The following ABLIM2 variants were observed in gnomAD, a reference collection of about 807,000 sequenced individuals.
The protein encoded by ABLIM2 is actin binding LIM protein family member 2, also known as actin-binding LIM protein 2.
In ABLIM2, 53 loss-of-function variants were observed where a neutral mutation model predicts 97.7. The ratio of observed to expected loss-of-function variants is 0.54; its 90% confidence interval spans 0.44 to 0.68. ABLIM2 has a LOEUF of 0.68. Ranked by LOEUF, ABLIM2 falls within the 30% of genes least tolerant of loss-of-function variation. ABLIM2 has a pLI of 0.00. For missense variants in ABLIM2, 835 were observed against 867.2 expected (o/e 0.96, Z 0.47); for synonymous variants, 361 against 345.8 (o/e 1.04, Z -0.49).
rs1483589767 is a variant in ABLIM2, at chr4:8,095,022, C to A, written c.338+2077G>T. Among the ~76,000 whole-genome samples the A allele has an allele frequency of 6.8e-6, 1 of 147,356 alleles. No homozygotes were observed. The highest frequency in any genetic ancestry group is 1.5e-5 in the Non-Finnish European group (1 of 67,090). On this transcript the variant is annotated intron_variant, in intron 3 of 20. Coordinates refer to ENST00000447017, the MANE Select transcript of ABLIM2 (RefSeq NM_001130083.2). This position sits in a 1 kb window ranked among gnomAD's most constrained non-coding sequence, Gnocchi z 4.7. ...TTTTTCTTTCTTTCTCTCTCTCTCTCCCCCCACTTCTTTCCTTCCTTCCTT... is the reference window on the plus strand; with the variant it reads ...TTTTTCTTTCTTTCTCTCTCTCTCTACCCCCACTTCTTTCCTTCCTTCCTT...
chr4:8,029,803 C>A (rs780340880), intron 10 of ABLIM2, 27 bp from the exon 11 acceptor site: 1 of 1,560,726 alleles, frequency 6.4e-7, no homozygotes, highest in South Asian at 1.2e-5. Context: ...AGCTTGTGAA[C>A]ACTGGAGCCG....
At chr4:7,969,730 GACACAC>G (rs56236019) in intron 20 of ABLIM2, among the ~76,000 whole-genome samples, 68,603 of 139,542 alleles carry the variant, frequency 0.49, 17,081 homozygotes, top group Middle Eastern at 0.6. Flanking sequence ...CTCTCTCTCT[GACACAC>G]ACACACACAC....
intron 20 of ABLIM2, among the ~76,000 whole-genome samples, chr4:7,974,348 A>C (rs935077543): frequency 3.0e-3 from 249 of 82,220 alleles, no homozygotes; most frequent in South Asian, 5.4e-3. Flanking sequence ...CCCATCCACC[A>C]ATCCATCCAC....
At chr4:7,971,668 G>A (rs1050598435) in intron 20 of ABLIM2, among the ~76,000 whole-genome samples, 15 of 152,020 alleles carry the variant, frequency 9.9e-5, no homozygotes, top group African/African-American at 3.4e-4. Context: ...GAAGCCTCAG[G>A]GACCTATGCC....
rs1811900917 is a variant in ABLIM2, at chr4:8,071,368, G to A, written c.675+6260C>T. On this transcript the variant is annotated intron_variant, in intron 6 of 20. Coordinates refer to ENST00000447017, the MANE Select transcript of ABLIM2 (RefSeq NM_001130083.2). The surrounding 1 kb of genome is among the most constrained non-coding windows in gnomAD (Gnocchi z 6.2). ...CAGGACAGACACCCAGAGATGGGTGGGATGCAGGCCAACATGCATGAGGGT... is the reference window on the plus strand; with the variant it reads ...CAGGACAGACACCCAGAGATGGGTGAGATGCAGGCCAACATGCATGAGGGT... Among the ~76,000 whole-genome samples, 1 of 152,194 alleles carries A rather than the reference G, an allele frequency of 6.6e-6. No homozygotes were observed. The highest frequency in any genetic ancestry group is 6.5e-5 in the Admixed American group (1 of 15,284).
Position 8,054,338 on chromosome 4 carries a change from GCA to G in ABLIM2, c.764-94_764-93del, listed in dbSNP as rs1797720611. ...AACGCAGAGGAGGGAGCTGGTCCATGCACAGACGTGCACTCGGACTCCACCCT... is the reference window on the plus strand; with the variant it reads ...AACGCAGAGGAGGGAGCTGGTCCATGCAGACGTGCACTCGGACTCCACCCT... On this transcript the variant is annotated intron_variant, in intron 7 of 20. Transcript: ENST00000447017. This position sits in a 1 kb window ranked among gnomAD's most constrained non-coding sequence, Gnocchi z 4.9. 3 of 1,312,676 alleles carry G rather than the reference GCA, an allele frequency of 2.3e-6. No individual in the cohort carries two copies. The highest frequency in any genetic ancestry group is 1.2e-5 in the South Asian group (1 of 81,310). 81.3% of individuals were successfully genotyped at this position (1,312,676 alleles called of 1,614,324 possible).
chr4:8,057,010 A>G (rs1799672672), intron 7 of ABLIM2, among the ~76,000 whole-genome samples: 1 of 150,226 alleles, frequency 6.7e-6, no homozygotes, highest in Admixed American at 6.6e-5. Flanking sequence ...TGCAACTTTA[A>G]GGGCTATACA....
intron 20 of ABLIM2, among the ~76,000 whole-genome samples, chr4:7,972,158 G>A (rs894150764): frequency 2.6e-5 from 4 of 152,142 alleles, no homozygotes; most frequent in Non-Finnish European, 4.4e-5. Flanking sequence ...TCCATACCCC[G>A]GGACCTCTTC....
At chr4:8,006,008 C>T (rs887327547) in intron 16 of ABLIM2, among the ~76,000 whole-genome samples, 15 of 152,312 alleles carry the variant, frequency 9.8e-5, no homozygotes, top group Middle Eastern at 3.4e-3. Flanking sequence ...AAGAATGTGA[C>T]GACAAGGGGT....
In ABLIM2 at chr4:8,147,505, G is replaced by T. The variant is rs990643563; in HGVS notation, c.10+11175C>A. 1.3e-5 allele frequency among the ~76,000 whole-genome samples: 2 copies of T among 152,230 alleles called. No homozygotes were observed. The highest frequency in any genetic ancestry group is 4.8e-5 in the African/African-American group (2 of 41,458). ...TAGAGACTGGGAGATGATTCTGGATGCTATGGGCGGGCTCTGAGTGCAATC... is the reference window on the plus strand; with the variant it reads ...TAGAGACTGGGAGATGATTCTGGATTCTATGGGCGGGCTCTGAGTGCAATC... On this transcript the variant is annotated intron_variant, in intron 1 of 20. Coordinates refer to ENST00000447017, the MANE Select transcript of ABLIM2 (RefSeq NM_001130083.2). The surrounding 1 kb of genome is among the most constrained non-coding windows in gnomAD (Gnocchi z 5.3).
intron 9 of ABLIM2, among the ~76,000 whole-genome samples, chr4:8,036,624 C>A (rs1004479404): frequency 4.6e-5 from 7 of 152,190 alleles, no homozygotes; most frequent in Non-Finnish European, 8.8e-5. Flanking sequence ...TCCTGAGGCC[C>A]AGCCACAAAA....
In ABLIM2 at chr4:8,033,639, C is replaced by A. The variant is rs1162337288; in HGVS notation, c.1047+2510G>T. Among the ~76,000 whole-genome samples, 1 of 152,190 alleles carries A rather than the reference C, an allele frequency of 6.6e-6. No individual in the cohort carries two copies. Among genetic ancestry groups the A allele is most frequent in the African/African-American group, 2.4e-5 (1 of 41,470 alleles). On this transcript the variant is annotated intron_variant, in intron 10 of 20. Coordinates refer to ENST00000447017, the MANE Select transcript of ABLIM2 (RefSeq NM_001130083.2). The surrounding 1 kb of genome is among the most constrained non-coding windows in gnomAD (Gnocchi z 4.5). The stretch of plus-strand genomic sequence containing the variant: ...AGCGGGAGGCCAACCCAGGTCTCCC[C>A]AGAGGGAGGGGGTGACTCCCGAGCC...
At position 7,996,656 on chromosome 4, in the gene ABLIM2, G is replaced by A. The variant is rs35390034; in HGVS notation, c.1619-3729C>T. Among the ~76,000 whole-genome samples the A allele has an allele frequency of 0.01, 1,547 of 152,260 alleles. 12 individuals carry two copies. The highest frequency in any genetic ancestry group is 0.024 in the Middle Eastern group (7 of 294). On this transcript the variant is annotated intron_variant, in intron 16 of 20. Coordinates refer to ENST00000447017, the MANE Select transcript of ABLIM2 (RefSeq NM_001130083.2). The surrounding 1 kb of genome is among the most constrained non-coding windows in gnomAD (Gnocchi z 4.5). ...TTTTGTCCCCGGTTTTACCTATTCC[G>A]ACGTTCTTCTTTCCTTTCTGAAGTT... is the stretch of plus-strand genomic sequence containing the variant.
At chr4:8,080,538 C>T in intron 5 of ABLIM2, 138 bp downstream of exon 5, 1 of 1,014,868 alleles carries the variant, frequency 9.9e-7, no homozygotes, top group East Asian at 2.9e-5. Context: ...TCTCACCCAG[C>T]AGCAGGGCAG....
intron 12 of ABLIM2, among the ~76,000 whole-genome samples, chr4:8,024,210 T>C (rs1775832810): frequency 6.6e-6 from 1 of 152,132 alleles, no homozygotes; most frequent in African/African-American, 2.4e-5. Flanking sequence ...GCTCAGCACA[T>C]GGAGGCTGCC....
At position 7,970,857 on chromosome 4, in the gene ABLIM2, G is replaced by A. The variant is rs1560309830; in HGVS notation, c.1825-3754C>T. Among the ~76,000 whole-genome samples the A allele has an allele frequency of 2.0e-5, 3 of 152,004 alleles. No individual in the cohort carries two copies. The highest frequency in any genetic ancestry group is 2.9e-5 in the Non-Finnish European group (2 of 67,986). Reference sequence around the variant, plus strand: ...GGCCGGGGGTGTCCCGAGCATGTGGGCTGGGCCAGGCCACTCGTATGTGGC... The same window carrying A: ...GGCCGGGGGTGTCCCGAGCATGTGGACTGGGCCAGGCCACTCGTATGTGGC... On this transcript the variant is annotated intron_variant, in intron 20 of 20. Transcript: ENST00000447017. This position sits in a 1 kb window ranked among gnomAD's most constrained non-coding sequence, Gnocchi z 5.3.
intron 9 of ABLIM2, among the ~76,000 whole-genome samples, chr4:8,037,959 T>C (rs1785635877): frequency 6.6e-6 from 1 of 152,188 alleles, no homozygotes; most frequent in African/African-American, 2.4e-5. Flanking sequence ...CTGTGCACTG[T>C]GCACGTGCTC....
chr4:8,047,842 A>G (rs1301685696), intron 8 of ABLIM2, among the ~76,000 whole-genome samples: 2 of 152,374 alleles, frequency 1.3e-5, no homozygotes, highest in East Asian at 1.9e-4. Flanking sequence ...CTATTATTTC[A>G]GCTCAAGGTG....
rs991411971 is a variant in ABLIM2, at chr4:8,044,496, C to T, written c.900+668G>A. Among the ~76,000 whole-genome samples the T allele has an allele frequency of 9.9e-5, 15 of 151,676 alleles. No homozygotes were observed. The highest frequency in any genetic ancestry group is 2.2e-4 in the Non-Finnish European group (15 of 67,926). ...GTATACATATATAAATTTAAATATA[C>T]AATATTAAATGTATTAAATATTAAA... On this transcript the variant is annotated intron_variant, in intron 9 of 20. Coordinates refer to ENST00000447017, the MANE Select transcript of ABLIM2 (RefSeq NM_001130083.2). The surrounding 1 kb of genome is among the most constrained non-coding windows in gnomAD (Gnocchi z 4.4).
Sources: allele counts gnomAD v4.1 joint callset (sites outside exome capture counted in the v4.1 genomes callset), GRCh38; gene constraint gnomAD v4.1.1; non-coding constraint Gnocchi (gnomAD v3.1); transcripts MANE v1.5; gene names NCBI Gene and HGNC (gene_info 2026-07-23, HGNC 2026-07-21).